RPS3A: variants seen among roughly 807,000 people sequenced by gnomAD.
The protein encoded by RPS3A is small ribosomal subunit protein eS1.
Under a neutral mutation model 26.4 loss-of-function variants are expected in RPS3A, and 1 was observed. The observed-to-expected ratio is 0.04, with a 90% CI of 0.01 to 0.18. The LOEUF is 0.18. Ranked by LOEUF, RPS3A falls within the 10% of genes least tolerant of loss-of-function variation. RPS3A has a pLI of 1.00. For synonymous variants in RPS3A, 97 were observed against 106.1 expected (o/e 0.91, Z 0.53); for missense variants, 139 against 326.8 (o/e 0.43, Z 4.43).
intron 3 of RPS3A, chr4:151,102,056 GAATGAATGA>G (rs1279467554): frequency 1.9e-6 from 1 of 518,272 alleles, no homozygotes; most frequent in East Asian, 5.5e-5. Context: ...TTGTATGTGG[GAATGAATGA>G]TGACAAAATG....
chr4:151,103,936 A>G lies in RPS3A; in HGVS notation c.564-241A>G, dbSNP rs763746185. On this transcript the variant is annotated intron_variant, in intron 4 of 5. Coordinates refer to ENST00000274065, the MANE Select transcript of RPS3A (RefSeq NM_001006.5). ...GCTAAGAGGGTGTAATGGAAAAAGC[A>G]TAAGGCTTGGACTCAGAAGACTCTA... The G allele has an allele frequency of 7.9e-6, 12 of 1,519,514 alleles. No individual in the cohort carries two copies. The East Asian group carries it at 1.3e-4, about 17-fold the overall frequency. The allele number at this position is 1,519,514 out of a possible 1,614,324, so 94.1% of individuals were successfully genotyped here.
chr4:151,100,074 C>CT, intron 1 of RPS3A: 11 of 542,378 alleles, frequency 2.0e-5, no homozygotes, highest in South Asian at 1.7e-4. Flanking sequence ...ACCCGTCAAT[C>CT]TCGCCTTTGC....
chr4:151,100,864 G>T, intron 2 of RPS3A, 111 bp from the exon 3 acceptor site: 1 of 745,174 alleles, frequency 1.3e-6, no homozygotes, highest in South Asian at 1.9e-5. Context: ...TGATAACAAA[G>T]GTTAAGGTCT....
At chr4:151,104,439 GTTT>G (rs386401872) in intron 5 of RPS3A, 30 bp from the exon 6 acceptor site, 1,868 of 710,002 alleles carry the variant, frequency 2.6e-3, no homozygotes, top group East Asian at 9.1e-3. Flanking sequence ...CAGTTTTTTG[GTTT>G]TTTTTTTTTT....
At chr4:151,099,888 G>C in intron 1 of RPS3A, 174 bp downstream of exon 1, 1 of 741,600 alleles carries the variant, frequency 1.3e-6, no homozygotes, top group Non-Finnish European at 2.4e-6. Context: ...GTAGCGGCAG[G>C]TCGGCTGCCT....
At chr4:151,101,867 G>T (rs1747129009) in intron 3 of RPS3A, among the ~76,000 whole-genome samples, 1 of 151,986 alleles carries the variant, frequency 6.6e-6, no homozygotes, top group African/African-American at 2.4e-5. Flanking sequence ...CAAGTAGCTG[G>T]GATTACAGGC....
chr4:151,103,535 A>T, intron 4 of RPS3A: 3 of 1,029,576 alleles, frequency 2.9e-6, no homozygotes, highest in Middle Eastern at 5.0e-4. Flanking sequence ...TTTCGTGTTT[A>T]TTTATTTTGA....
chr4:151,103,843 A>G (rs755750613), intron 4 of RPS3A: 1 of 1,385,668 alleles, frequency 7.2e-7, no homozygotes, highest in South Asian at 1.1e-5. Context: ...TGATGAAAAA[A>G]GTTTCGGTCC....
intron 1 of RPS3A, chr4:151,100,003 C>T (rs1747048275): frequency 6.3e-6 from 4 of 630,216 alleles, no homozygotes; most frequent in East Asian, 6.5e-5. Context: ...CTCAATTCTG[C>T]GAGTGTTTGA....
chr4:151,103,825 G>A (rs1300814953), intron 4 of RPS3A: 1 of 1,369,492 alleles, frequency 7.3e-7, no homozygotes, highest in South Asian at 1.1e-5. Context: ...ATGATGCACG[G>A]GAATAAGTGA....
chr4:151,102,972 G>T lies in RPS3A; in HGVS notation c.456G>T (p.Lys152Asn). ...FTKKRNNQIRKTSYAQHQQVR... is the reference protein window; with the variant it reads ...FTKKRNNQIRNTSYAQHQQVR... ...AAAAACGCAACAATCAGATACGGAA[G>T]ACCTCTTATGCTCAGCACCAACAGG... Residue 152 changes from lysine to asparagine, a missense_variant, in exon 4 of 6, where the codon AAG becomes AAT. Physicochemically the swap from Lys to Asn is moderately conservative, Grantham distance 94. Coordinates refer to ENST00000274065, the MANE Select transcript of RPS3A (RefSeq NM_001006.5). 1 of 1,606,624 alleles carries T rather than the reference G, an allele frequency of 6.2e-7. No homozygotes were observed. Among genetic ancestry groups the T allele is most frequent in the Non-Finnish European group, 8.5e-7 (1 of 1,179,572 alleles).
At chr4:151,102,018 C>T (rs778541940) in intron 3 of RPS3A, 2 of 514,122 alleles carry the variant, frequency 3.9e-6, no homozygotes, top group Non-Finnish European at 3.9e-6. Context: ...CAGGTGTGAG[C>T]CACTGCACCT....
chr4:151,101,150 C>T lies in RPS3A; in HGVS notation c.342C>T (p.Val114=). The T allele has an allele frequency of 1.3e-6, 2 of 1,598,134 alleles. No individual in the cohort carries two copies. Among genetic ancestry groups the T allele is most frequent in the South Asian group, 2.2e-5 (2 of 89,572 alleles). The change falls in exon 3 of 6, where the codon GTC becomes GTT. Residue 114 remains valine (V), a synonymous_variant. Coordinates refer to ENST00000274065, the MANE Select transcript of RPS3A (RefSeq NM_001006.5). ...DLTRDKMCSM[V]KKWQTMIEAH... ...CCCGTGACAAAATGTGTTCCATGGT[C>T]AAAAAATGGCAGGTGAGACCCAAAG...
rs185515969 is a variant in RPS3A at position 151,101,573 on chromosome 4, C to A, written c.354+411C>A. 1.8e-4 allele frequency among the ~76,000 whole-genome samples: 28 copies of A among 152,120 alleles called. No individual in the cohort carries two copies. In the East Asian group the frequency reaches 5.4e-3, roughly 29 times the overall value. On this transcript the variant is annotated intron_variant, in intron 3 of 5. Coordinates refer to ENST00000274065, the MANE Select transcript of RPS3A (RefSeq NM_001006.5). ...CTCTGGAGTGAGGTTAAAATCTGGG[C>A]TCCATTTGCCTATTGTGTTCTCGTT...
Position 151,104,271 on chromosome 4 carries a change from A to C in RPS3A, c.658A>C (p.Lys220Gln). 1 of 1,612,964 alleles carries C rather than the reference A, an allele frequency of 6.2e-7. No individual in the cohort carries two copies. The highest frequency in any genetic ancestry group is 1.7e-5 in the Admixed American group (1 of 59,704). Residue 220 changes from lysine to glutamine, a missense_variant, in exon 5 of 6, where the codon AAG (lysine) becomes CAG (glutamine). Transcript: ENST00000274065. ...CGTTAGAAAAGTAAAAATGCTGAAG[A>C]AGCCCAAGTTTGAATGTAAGTGAGA... is the stretch of plus-strand genomic sequence containing the variant. ...VFVRKVKMLK[K>Q]PKFELGKLME...
In RPS3A at chr4:151,100,958, G is replaced by T; in HGVS notation, c.167-17G>T. 1.3e-6 allele frequency: 2 copies of T among 1,555,954 alleles called. No individual in the cohort carries two copies. The highest frequency in any genetic ancestry group is 1.1e-5 in the South Asian group (1 of 87,428). On this transcript the variant is annotated splice_polypyrimidine_tract_variant and intron_variant, in intron 2 of 5. Transcript: ENST00000274065. The stretch of plus-strand genomic sequence containing the variant: ...ATGGTTCCTAAATGTTAAGATACTT[G>T]TTTTTTTCTTTTGTAGAAATTGCAT...
At chr4:151,103,167 G>T in intron 4 of RPS3A, 88 bp downstream of exon 4, 1 of 1,499,562 alleles carries the variant, frequency 6.7e-7, no homozygotes, top group Non-Finnish European at 8.9e-7. Context: ...ACAAGGTAAA[G>T]GTCTGTTGAA....
At chr4:151,099,802 C>A in intron 1 of RPS3A, 88 bp downstream of exon 1, 2 of 1,377,116 alleles carry the variant, frequency 1.5e-6, no homozygotes, top group Non-Finnish European at 2.0e-6. Flanking sequence ...GGCCGGATGG[C>A]GAGGATTCCA....
chr4:151,100,066 C>T, intron 1 of RPS3A: 1 of 551,008 alleles, frequency 1.8e-6, no homozygotes. Context: ...CATTCAGGAC[C>T]CGTCAATCTC....
Sources: gnomAD v4.1 joint callset for allele counts (sites outside exome capture counted in the v4.1 genomes callset) on GRCh38, gnomAD v4.1.1 for gene constraint, MANE v1.5 for transcripts, NCBI Gene and HGNC (gene_info 2026-07-23, HGNC 2026-07-21) for gene names.